The following LCORL variants were observed in gnomAD, a reference collection of about 807,000 sequenced individuals.
LCORL encodes the protein ligand-dependent nuclear receptor corepressor-like protein.
In LCORL, 41 loss-of-function variants were observed where a neutral mutation model predicts 141.8. That is an observed-to-expected ratio of 0.29 (90% CI 0.23 to 0.38). The LOEUF is 0.38. Ranked by LOEUF, LCORL falls within the 10% of genes least tolerant of loss-of-function variation. The probability of loss-of-function intolerance (pLI) is 1.00; values close to 1 mark genes in which losing one functional copy is unlikely to be tolerated. For synonymous variants in LCORL, 618 were observed against 694.1 expected, an observed-to-expected ratio of 0.89 and a Z score of 1.72; for missense variants, 1,759 against 2,035.0, an observed-to-expected ratio of 0.86 and a Z score of 2.61.
chr4:18,000,609 A>G (rs1488761032), intron 1 of LCORL, among the ~76,000 whole-genome samples: 1 of 152,226 alleles, frequency 6.6e-6, no homozygotes, highest in East Asian at 1.9e-4. Flanking sequence ...AACTATATCT[A>G]CAGGCAACCA....
chr4:17,863,166 A>C (rs2109137365), intron 7 of LCORL, among the ~76,000 whole-genome samples: 1 of 152,288 alleles, frequency 6.6e-6, no homozygotes, highest in East Asian at 1.9e-4. Context: ...AGATACAATA[A>C]TTAGCCAAGC....
intron 5 of LCORL, among the ~76,000 whole-genome samples, chr4:17,894,513 TTAATG>T (rs1365639848): frequency 2.0e-5 from 3 of 152,216 alleles, no homozygotes; most frequent in African/African-American, 7.2e-5. Context: ...GCTAAAAATG[TTAATG>T]TTCATAAAAA....
chr4:17,982,498 G>A (rs919505691), intron 1 of LCORL, among the ~76,000 whole-genome samples: 5 of 101,056 alleles, frequency 4.9e-5, no homozygotes, highest in Non-Finnish European at 8.7e-5. Flanking sequence ...ATCTCACTGT[G>A]GTTTGATTTG....
intron 7 of LCORL, among the ~76,000 whole-genome samples, chr4:17,867,484 T>C (rs1725818677): frequency 6.6e-6 from 1 of 152,186 alleles, no homozygotes; most frequent in Non-Finnish European, 1.5e-5. Flanking sequence ...ATTTACAAAA[T>C]AGGCCATGGG....
At chr4:17,916,587 ATGCT>A (rs921091134) in intron 4 of LCORL, among the ~76,000 whole-genome samples, 1 of 151,148 alleles carries the variant, frequency 6.6e-6, no homozygotes, top group Non-Finnish European at 1.5e-5. Context: ...TATTGGTGTC[ATGCT>A]TGCACAGACT....
chr4:18,005,992 G>C (rs998696959), intron 1 of LCORL, among the ~76,000 whole-genome samples: 3 of 152,170 alleles, frequency 2.0e-5, no homozygotes, highest in Non-Finnish European at 2.9e-5. Flanking sequence ...TCAGAAAATG[G>C]AACTTTCTTT....
intron 7 of LCORL, among the ~76,000 whole-genome samples, chr4:17,866,279 A>G (rs1282588285): frequency 6.6e-6 from 1 of 152,010 alleles, no homozygotes; most frequent in African/African-American, 2.4e-5. Flanking sequence ...TGCTCAGGGA[A>G]CTCTTCCTTC....
intron 7 of LCORL, among the ~76,000 whole-genome samples, chr4:17,854,954 G>A (rs779782462): frequency 3.3e-5 from 5 of 152,174 alleles, no homozygotes; most frequent in Non-Finnish European, 5.9e-5. Context: ...GAATATAAAG[G>A]TGACACAAAG....
chr4:17,988,950 C>T (rs1275122447), intron 1 of LCORL, among the ~76,000 whole-genome samples: 3 of 152,242 alleles, frequency 2.0e-5, no homozygotes, highest in Non-Finnish European at 4.4e-5. Flanking sequence ...CGCCACTGCA[C>T]TCCAGCCTGG....
At chr4:17,935,358 T>A (rs1236196294) in intron 4 of LCORL, among the ~76,000 whole-genome samples, 1 of 152,178 alleles carries the variant, frequency 6.6e-6, no homozygotes, top group East Asian at 1.9e-4. Flanking sequence ...ATACTACTCA[T>A]GAGTTCCAAA....
chr4:17,873,953 G>C, exon 7 of LCORL: 5 of 1,233,926 alleles, frequency 4.1e-6, no homozygotes, highest in Non-Finnish European at 5.1e-6. Flanking sequence ...CATGTATTTT[G>C]AAGTCAGGCA....
chr4:17,925,373 C>A lies in LCORL; in HGVS notation c.431-16028G>T, dbSNP rs1376177824. On this transcript the variant is annotated intron_variant, in intron 4 of 7. Transcript: ENST00000635767. ...GGAAACTACAGAAGCCCAATCCAGG[C>A]AGGATTACAAATGGCCCAGACCCTT... Among the ~76,000 whole-genome samples, 4 of 152,134 alleles carry A rather than the reference C, an allele frequency of 2.6e-5. No homozygotes were observed. In the East Asian group the frequency reaches 7.7e-4, roughly 29 times the overall value.
At chr4:17,927,636 T>C (rs1454166474) in intron 4 of LCORL, among the ~76,000 whole-genome samples, 2 of 152,114 alleles carry the variant, frequency 1.3e-5, no homozygotes, top group Admixed American at 6.5e-5. Context: ...CTAACTTCAA[T>C]ACTGTTGCAT....
At chr4:17,965,732 G>A (rs1250943679) in intron 2 of LCORL, among the ~76,000 whole-genome samples, 14 of 152,068 alleles carry the variant, frequency 9.2e-5, no homozygotes, top group Admixed American at 9.2e-4. Flanking sequence ...GTTAACTTGA[G>A]TTTCAGATTC....
intron 4 of LCORL, among the ~76,000 whole-genome samples, chr4:17,914,252 T>C (rs1733028175): frequency 6.6e-6 from 1 of 152,222 alleles, no homozygotes; most frequent in South Asian, 2.1e-4. Flanking sequence ...TTGCTTTGTA[T>C]TATGTATTTA....
intron 4 of LCORL, among the ~76,000 whole-genome samples, chr4:17,951,195 C>T (rs1024405936): frequency 6.6e-6 from 1 of 151,962 alleles, no homozygotes; most frequent in African/African-American, 2.4e-5. Flanking sequence ...TTAAAAATTG[C>T]CTTATTTATT....
At chr4:17,974,108 T>C (rs768596563) in intron 1 of LCORL, among the ~76,000 whole-genome samples, 2 of 152,082 alleles carry the variant, frequency 1.3e-5, no homozygotes, top group African/African-American at 2.4e-5. Flanking sequence ...AATCCTTCTA[T>C]AGAAGGGTTA....
At chr4:18,009,874 G>C (rs1723418441) in intron 1 of LCORL, among the ~76,000 whole-genome samples, 1 of 152,082 alleles carries the variant, frequency 6.6e-6, no homozygotes, top group African/African-American at 2.4e-5. Context: ...ATAAGGTTCT[G>C]AGATCCCACT....
intron 4 of LCORL, among the ~76,000 whole-genome samples, chr4:17,955,219 G>GA (rs1394702513): frequency 1.3e-5 from 2 of 152,180 alleles, no homozygotes; most frequent in Non-Finnish European, 2.9e-5. Flanking sequence ...CAGAAACCAA[G>GA]AAAGTGATCA....
Sources: gnomAD v4.1 joint callset for allele counts (sites outside exome capture counted in the v4.1 genomes callset) on GRCh38, gnomAD v4.1.1 for gene constraint, MANE v1.5 for transcripts, NCBI Gene and HGNC (gene_info 2026-07-23, HGNC 2026-07-21) for gene names.